Variants in CWF19L2 observed in about 807,000 individuals in gnomAD.
The protein encoded by CWF19L2 is CWF19 like cell cycle control factor 2.
A neutral mutation model predicts 111.7 loss-of-function variants in CWF19L2; 98 were observed. The ratio of observed to expected loss-of-function variants is 0.88; its 90% CI spans 0.75 to 1.04. The LOEUF is 1.04. CWF19L2 is among the 50% of genes least tolerant of loss of function. The probability of loss-of-function intolerance (pLI) is 0.00; values close to 1 mark genes in which losing one functional copy is unlikely to be tolerated. For synonymous variants in CWF19L2, 351 were observed against 342.9 expected (o/e 1.02, Z -0.26); for missense variants, 1,101 against 1,051.4 (o/e 1.05, Z -0.65).
At chr11:107,450,075 G>A (rs1861756863) in intron 3 of CWF19L2, among the ~76,000 whole-genome samples, 3 of 151,666 alleles carry the variant, frequency 2.0e-5, no homozygotes. Context: ...CTCCAGCCTG[G>A]GTGACAGTGT....
rs1860502030 is a variant in CWF19L2, at chr11:107,371,040, G to A, written c.1873-17304C>T. Among the ~76,000 whole-genome samples the A allele has an allele frequency of 1.8e-5, 2 of 109,906 alleles. 1 individual carries two copies. The highest frequency in any genetic ancestry group is 3.6e-5 in the Non-Finnish European group (2 of 56,180). 72.1% of individuals were successfully genotyped at this position (109,906 alleles called of 152,430 possible). On this transcript the variant is annotated intron_variant, in intron 12 of 17. Coordinates refer to ENST00000282251, the MANE Select transcript of CWF19L2 (RefSeq NM_152434.3). The stretch of plus-strand genomic sequence containing the variant: ...TTTTTTTTTTTTTTTTTGAGACGGA[G>A]TCTCACTCTGTCGCCCAGGCTGGAG...
chr11:107,351,287 G>A (rs1220864931), intron 13 of CWF19L2, among the ~76,000 whole-genome samples: 1 of 152,122 alleles, frequency 6.6e-6, no homozygotes, highest in Non-Finnish European at 1.5e-5. Flanking sequence ...TAAGGAGTGA[G>A]GGAAAGTAAA....
chr11:107,353,939 T>C (rs1183350036), intron 12 of CWF19L2, among the ~76,000 whole-genome samples: 1 of 152,184 alleles, frequency 6.6e-6, no homozygotes, highest in East Asian at 1.9e-4. Context: ...TACTGAATAT[T>C]TACTATATAC....
At chr11:107,363,056 T>C (rs1030197538) in intron 12 of CWF19L2, among the ~76,000 whole-genome samples, 4 of 152,040 alleles carry the variant, frequency 2.6e-5, no homozygotes, top group Non-Finnish European at 5.9e-5. Flanking sequence ...TGAGATCAAC[T>C]GGAAGAAAGG....
chr11:107,353,115 T>C (rs889748635), intron 13 of CWF19L2, among the ~76,000 whole-genome samples: 2 of 152,202 alleles, frequency 1.3e-5, no homozygotes. Context: ...TTCCTCACTT[T>C]ACTTGCTTTA....
Position 107,402,873 on chromosome 11 carries a change from G to GTGTGTA in CWF19L2, c.1618-9979_1618-9978insTACACA, listed in dbSNP as rs1247886311. Reference sequence around the variant, plus strand: ...CGAGTGGATAAACAAACTGTGGTGTGTATATATATATATATATATATATAT... The same window carrying GTGTGTA: ...CGAGTGGATAAACAAACTGTGGTGTGTGTGTATATATATATATATATATATATATAT... On this transcript the variant is annotated intron_variant, in intron 10 of 17. Coordinates refer to ENST00000282251, the MANE Select transcript of CWF19L2 (RefSeq NM_152434.3). 3.0e-3 allele frequency among the ~76,000 whole-genome samples: 287 copies of GTGTGTA among 94,432 alleles called. 12 individuals carry two copies. Among genetic ancestry groups the GTGTGTA allele is most frequent in the African/African-American group, 0.013 (261 of 20,714 alleles). 62.0% of individuals were successfully genotyped at this position (94,432 alleles called of 152,430 possible).
intron 7 of CWF19L2, 131 bp downstream of exon 7, chr11:107,433,503 G>A: frequency 2.8e-6 from 1 of 351,594 alleles, no homozygotes. Flanking sequence ...ATGAAAAGCA[G>A]AAAATTACTT....
intron 12 of CWF19L2, among the ~76,000 whole-genome samples, chr11:107,387,474 C>CA (rs201682926): frequency 0.54 from 78,354 of 145,080 alleles, 21,389 homozygotes; most frequent in African/African-American, 0.69. Context: ...AAACAAAAAA[C>CA]AAAAAAAACC....
At chr11:107,429,946 A>G (rs1469789540) in intron 7 of CWF19L2, among the ~76,000 whole-genome samples, 1 of 152,070 alleles carries the variant, frequency 6.6e-6, no homozygotes, top group Non-Finnish European at 1.5e-5. Context: ...GGAATTCTCT[A>G]TATTTTAGGA....
Position 107,454,554 on chromosome 11 carries a change from T to A in CWF19L2, c.235A>T (p.Lys79Ter). 1 of 1,456,320 alleles carries A rather than the reference T, an allele frequency of 6.9e-7. No homozygotes were observed. Among genetic ancestry groups the A allele is most frequent in the Non-Finnish European group, 9.0e-7 (1 of 1,110,468 alleles). The allele number at this position is 1,456,320 out of a possible 1,614,324, so 90.2% of individuals were successfully genotyped here. ...TTTGAATGCTTGTCTTTTTTCTTCT[T>A]TTTCTTCACAGAGTGTTCCTACAAT... is the stretch of plus-strand genomic sequence containing the variant. ...QFSQEHSVKK[K>*]KKKDKHSKKA... Residue 79 changes from lysine to a stop codon, truncating the protein, a stop_gained, in exon 3 of 18, where the codon AAG (lysine) becomes TAG (stop). Coordinates refer to ENST00000282251, the MANE Select transcript of CWF19L2 (RefSeq NM_152434.3). LOFTEE classifies it high-confidence loss of function.
At chr11:107,384,660 G>A (rs1276941102) in intron 12 of CWF19L2, among the ~76,000 whole-genome samples, 2 of 152,142 alleles carry the variant, frequency 1.3e-5, no homozygotes, top group African/African-American at 4.8e-5. Flanking sequence ...ATAAAGTTTT[G>A]TTGGAATATA....
At chr11:107,435,997 T>C (rs538252633) in intron 6 of CWF19L2, among the ~76,000 whole-genome samples, 12 of 151,666 alleles carry the variant, frequency 7.9e-5, no homozygotes, top group East Asian at 1.9e-4. Flanking sequence ...CTACTAAAAA[T>C]ACAAAAATTA....
chr11:107,373,282 G>C (rs1395680621), intron 12 of CWF19L2, among the ~76,000 whole-genome samples: 1 of 125,996 alleles, frequency 7.9e-6, no homozygotes, highest in African/African-American at 3.4e-5. Flanking sequence ...GCTCAAGGAG[G>C]ACTGCCTGCC....
At chr11:107,358,456 G>A (rs897745927) in intron 12 of CWF19L2, among the ~76,000 whole-genome samples, 3 of 152,110 alleles carry the variant, frequency 2.0e-5, no homozygotes, top group Admixed American at 2.0e-4. Flanking sequence ...CAAGCCATGG[G>A]TTGGACAAGG....
At chr11:107,451,019 A>G (rs1174360781) in intron 3 of CWF19L2, among the ~76,000 whole-genome samples, 1 of 152,208 alleles carries the variant, frequency 6.6e-6, no homozygotes, top group Non-Finnish European at 1.5e-5. Flanking sequence ...TTTATAAAAC[A>G]CTATACCTAA....
intron 10 of CWF19L2, among the ~76,000 whole-genome samples, chr11:107,406,846 T>C (rs1480601516): frequency 1.3e-5 from 2 of 151,840 alleles, no homozygotes; most frequent in East Asian, 3.9e-4. Flanking sequence ...CTTTGTTATG[T>C]TCTCTCTTAT....
chr11:107,414,801 TTC>T lies in CWF19L2; in HGVS notation c.1617+1406_1617+1407del, dbSNP rs541635039. On this transcript the variant is annotated intron_variant, in intron 10 of 17. Transcript: ENST00000282251. Reference sequence around the variant, plus strand: ...ACCACCATAAAAATCCTGTCAGTTTTTCTTTCAAAATATATACATAAAGTATT... The same window carrying T: ...ACCACCATAAAAATCCTGTCAGTTTTTTTCAAAATATATACATAAAGTATT... Among the ~76,000 whole-genome samples, 843 of 152,306 alleles carry T rather than the reference TTC, an allele frequency of 5.5e-3. 5 individuals carry two copies. Among genetic ancestry groups the T allele is most frequent in the Non-Finnish European group, 9.3e-3 (635 of 68,028 alleles).
chr11:107,392,570 A>G (rs977502528), intron 11 of CWF19L2, among the ~76,000 whole-genome samples: 2 of 152,220 alleles, frequency 1.3e-5, no homozygotes, highest in African/African-American at 4.8e-5. Context: ...GTTAACAACT[A>G]TTTGAAAAAA....
chr11:107,333,732 A>C (rs1186801000), intron 16 of CWF19L2, among the ~76,000 whole-genome samples: 7 of 152,208 alleles, frequency 4.6e-5, no homozygotes, highest in African/African-American at 1.7e-4. Context: ...ATGTAATAAA[A>C]TGGAATCTTT....
Sources: gnomAD v4.1 joint callset for allele counts (sites outside exome capture counted in the v4.1 genomes callset) on GRCh38, gnomAD v4.1.1 for gene constraint, MANE v1.5 for transcripts, NCBI Gene and HGNC (gene_info 2026-07-23, HGNC 2026-07-21) for gene names.